The following CUBN variants were observed in gnomAD, a reference collection of about 807,000 sequenced individuals.
The protein encoded by CUBN is cubilin.
Under a neutral mutation model 405.3 loss-of-function variants are expected in CUBN, and 282 were observed. The ratio of observed to expected loss-of-function variants is 0.70; its 90% CI spans 0.63 to 0.77. The LOEUF (loss-of-function observed/expected upper bound fraction) is 0.77, where lower values mean the gene tolerates loss of function less well. Among genes scored for constraint, CUBN ranks in the 30% least tolerant of loss-of-function variants. The pLI, the probability that CUBN is intolerant of heterozygous loss-of-function variation, is 0.00. For synonymous variants in CUBN, 1,684 were observed against 1,617.0 expected (o/e 1.04, Z -0.99); for missense variants, 4,514 against 4,475.2 (o/e 1.01, Z -0.25).
At chr10:17,017,299 G>A (rs1010600650) in intron 28 of CUBN, among the ~76,000 whole-genome samples, 1 of 152,128 alleles carries the variant, frequency 6.6e-6, no homozygotes, top group Non-Finnish European at 1.5e-5. Context: ...GTCAGATTTA[G>A]TGGCCCTTAT....
At chr10:17,092,853 T>C (rs1489517278) in intron 14 of CUBN, among the ~76,000 whole-genome samples, 1 of 152,230 alleles carries the variant, frequency 6.6e-6, no homozygotes, top group Non-Finnish European at 1.5e-5. Context: ...GCTCTGCTTA[T>C]GGAGTAGCCA....
chr10:17,087,182 A>G (rs1836128413), intron 15 of CUBN, among the ~76,000 whole-genome samples: 1 of 152,118 alleles, frequency 6.6e-6, no homozygotes, highest in Non-Finnish European at 1.5e-5. Context: ...TGTCTTTTTC[A>G]CACTGCTGCA....
At chr10:16,892,639 G>C (rs368888145) in intron 54 of CUBN, among the ~76,000 whole-genome samples, 15 of 152,102 alleles carry the variant, frequency 9.9e-5, no homozygotes, top group Middle Eastern at 3.4e-3. Flanking sequence ...CTACAGGTGC[G>C]TGCAACCATG....
At chr10:16,983,828 A>G (rs971382000) in intron 30 of CUBN, among the ~76,000 whole-genome samples, 7 of 152,212 alleles carry the variant, frequency 4.6e-5, no homozygotes, top group Admixed American at 2.0e-4. Flanking sequence ...GTTAAGAGGT[A>G]CGAGCCCTTG....
At chr10:16,981,209 G>A (rs148791396) in intron 31 of CUBN, among the ~76,000 whole-genome samples, 2 of 43,842 alleles carry the variant, frequency 4.6e-5, no homozygotes, top group Non-Finnish European at 9.4e-5. Context: ...ACACAGAAGA[G>A]AGAAGTGTCT....
intron 28 of CUBN, among the ~76,000 whole-genome samples, chr10:16,995,657 C>A (rs1833712771): frequency 6.6e-6 from 1 of 151,998 alleles, no homozygotes; most frequent in South Asian, 2.1e-4. Flanking sequence ...AAGACTTTAT[C>A]CCCAGATTTG....
intron 17 of CUBN, among the ~76,000 whole-genome samples, chr10:17,082,720 A>G (rs890976002): frequency 6.6e-6 from 1 of 152,334 alleles, no homozygotes; most frequent in Non-Finnish European, 1.5e-5. Context: ...CTTGTAGTCA[A>G]CGTCACACAA....
chr10:17,043,667 C>T (rs952360854), intron 26 of CUBN, among the ~76,000 whole-genome samples, 160 bp downstream of exon 26: 1 of 152,178 alleles, frequency 6.6e-6, no homozygotes, highest in African/African-American at 2.4e-5. Context: ...CACACCAATG[C>T]GTTACACTTA....
chr10:17,043,873 T>C lies in CUBN; in HGVS notation c.3783A>G (p.Thr1261=), dbSNP rs746046131. The C allele has an allele frequency of 2.5e-5, 40 of 1,613,596 alleles. No homozygotes were observed. The highest frequency in any genetic ancestry group is 5.0e-5 in the Admixed American group (3 of 59,958). The change falls in exon 26 of 67, where the codon ACA becomes ACG. Residue 1261 remains threonine (T), a synonymous_variant. Transcript: ENST00000377833. The stretch of plus-strand genomic sequence containing the variant: ...AGCCACGTCCTTGCTGACCTTCATC[T>C]GTCCTCAGTTTTATAAACATGCTGT... The part of the protein sequence containing the change: ...SGDSMFIKLR[T]DEGQQGRGFK...
Position 16,940,147 on chromosome 10 carries a change from G to C in CUBN, c.5433C>G (p.Tyr1811Ter). Reference protein sequence around the residue: ...GNATGHLVGRYCGNSFPLNYS... With the variant: ...GNATGHLVGR ...AATTGAGAGGGAAGGAGTTTCCACA[G>C]TATCGTCCCACCAAGTGACCCGTGG... The change falls in exon 37 of 67, where the codon TAC becomes TAG. Residue 1811 changes from tyrosine (Y) to a stop codon, truncating the protein, a stop_gained. Coordinates refer to ENST00000377833, the MANE Select transcript of CUBN (RefSeq NM_001081.4). LOFTEE classifies it high-confidence loss of function. 6.2e-7 allele frequency: 1 copy of C among 1,614,092 alleles called. No homozygotes were observed. The highest frequency in any genetic ancestry group is 8.5e-7 in the Non-Finnish European group (1 of 1,179,944).
chr10:17,088,288 C>T lies in CUBN; in HGVS notation c.1823G>A (p.Gly608Glu). 1.2e-6 allele frequency: 2 copies of T among 1,613,614 alleles called. No individual in the cohort carries two copies. Among genetic ancestry groups the T allele is most frequent in the East Asian group, 2.2e-5 (1 of 44,874 alleles). Residue 608 changes from glycine (G) to glutamate (E), a missense_variant, in exon 15 of 67, where the codon GGA becomes GAA. By Grantham distance (98) the Gly-to-Glu change is moderately conservative. This residue lies in a region of CUBN where 1,448 missense variants were observed against 1,388.0 expected (regional missense o/e 1.04). Coordinates refer to ENST00000377833, the MANE Select transcript of CUBN (RefSeq NM_001081.4). ...YGSIKSPGYP[G>E]NYPPGRDCVW... The stretch of plus-strand genomic sequence containing the variant: ...ACAATCTCTTCCTGGGGGATAGTTT[C>T]CAGGATACCCCGGAGACTTAATAGA...
chr10:17,119,817 C>A (rs1316948454), intron 6 of CUBN, among the ~76,000 whole-genome samples: 1 of 152,180 alleles, frequency 6.6e-6, no homozygotes, highest in Non-Finnish European at 1.5e-5. Context: ...TCAGTGGAAA[C>A]AGAAAATGAT....
At chr10:17,083,520 C>A (rs5006957) in intron 17 of CUBN, among the ~76,000 whole-genome samples, 538 of 6,702 alleles carry the variant, frequency 0.08, 15 homozygotes, top group East Asian at 0.49. Flanking sequence ...TAAATAAATA[C>A]ATACATACAT....
chr10:17,056,837 T>C (rs1835406868), intron 22 of CUBN, among the ~76,000 whole-genome samples: 1 of 151,376 alleles, frequency 6.6e-6, no homozygotes, highest in Admixed American at 6.6e-5. Flanking sequence ...GTATGCAGAA[T>C]ATACAACATA....
intron 43 of CUBN, among the ~76,000 whole-genome samples, chr10:16,920,393 A>G (rs1410814665): frequency 6.6e-6 from 1 of 152,166 alleles, no homozygotes; most frequent in Non-Finnish European, 1.5e-5. Context: ...AGCCAACCAA[A>G]TGATTATGGC....
At position 16,901,458 on chromosome 10, in the gene CUBN, A is replaced by G. The variant is rs1186514142; in HGVS notation, c.8064T>C (p.Asp2688=). Residue 2688 remains aspartate, a splice_region_variant and synonymous_variant, in exon 52 of 67, where the codon GAT becomes GAC. Coordinates refer to ENST00000377833, the MANE Select transcript of CUBN (RefSeq NM_001081.4). Reference sequence around the variant, plus strand: ...TGTCACCTATCTGTATTCCGCCACAATCTGAAATGAGATTGGTAACCCTCT... The same window carrying G: ...TGTCACCTATCTGTATTCCGCCACAGTCTGAAATGAGATTGGTAACCCTCT... ...IGFHAKYSFT[D]CGGIQIGDSG... 5 of 1,614,138 alleles carry G rather than the reference A, an allele frequency of 3.1e-6. No individual in the cohort carries two copies. Among genetic ancestry groups the G allele is most frequent in the African/African-American group, 2.7e-5 (2 of 75,056 alleles).
chr10:16,870,772 G>A (rs1355251482), intron 58 of CUBN, among the ~76,000 whole-genome samples: 1 of 152,148 alleles, frequency 6.6e-6, no homozygotes, highest in Admixed American at 6.5e-5. Flanking sequence ...GCTGCTGTGA[G>A]GTGGAGTTGT....
chr10:17,039,787 G>A (rs754337495), intron 27 of CUBN, among the ~76,000 whole-genome samples: 10 of 152,036 alleles, frequency 6.6e-5, no homozygotes, highest in Non-Finnish European at 1.3e-4. Flanking sequence ...ACTTTCTAAT[G>A]GGTAAACACT....
intron 27 of CUBN, among the ~76,000 whole-genome samples, chr10:17,028,255 T>C (rs1229087866): frequency 1.4e-5 from 2 of 145,030 alleles, no homozygotes; most frequent in Admixed American, 1.3e-4. Flanking sequence ...TTATTATTAT[T>C]ATTATTATGC....
Sources: gnomAD v4.1 joint callset for allele counts (sites outside exome capture counted in the v4.1 genomes callset) on GRCh38, gnomAD v4.1.1 for gene constraint, gnomAD v4.1.1 regional missense constraint, MANE v1.5 for transcripts, NCBI Gene and HGNC (gene_info 2026-07-23, HGNC 2026-07-21) for gene names.